TJP2: variants seen among roughly 807,000 people sequenced by gnomAD.
TJP2 encodes tight junction protein 2, also known as Friedreich ataxia region gene X104 (tight junction protein ZO-2).
A neutral mutation model predicts 133.1 loss-of-function variants in TJP2; 91 were observed. The ratio of observed to expected loss-of-function variants is 0.68; its 90% CI spans 0.58 to 0.81. The LOEUF (loss-of-function observed/expected upper bound fraction) is 0.81. Ranked by LOEUF, TJP2 falls within the 40% of genes least tolerant of loss-of-function variation. The pLI, the probability that TJP2 is intolerant of heterozygous loss-of-function variation, is 0.00. For synonymous variants in TJP2, 592 were observed against 583.4 expected, an observed-to-expected ratio of 1.01 and a Z score of -0.21; for missense variants, 1,541 against 1,565.6, an observed-to-expected ratio of 0.98 and a Z score of 0.26.
chr9:69,240,366 TGTG>T (rs769961076), intron 17 of TJP2, among the ~76,000 whole-genome samples: 6 of 152,176 alleles, frequency 3.9e-5, no homozygotes, highest in Non-Finnish European at 7.4e-5. Flanking sequence ...AGATCCATGA[TGTG>T]GTAATAATTA....
intron 17 of TJP2, 67 bp from the exon 18 acceptor site, chr9:69,246,623 C>A: frequency 1.5e-6 from 2 of 1,348,828 alleles, no homozygotes; most frequent in Non-Finnish European, 2.1e-6. Context: ...TAAATTATGT[C>A]AAATAGCATC....
chr9:69,182,206 G>C (rs949450762), intron 1 of TJP2, among the ~76,000 whole-genome samples: 1 of 152,196 alleles, frequency 6.6e-6, no homozygotes, highest in African/African-American at 2.4e-5. Context: ...GTTTTTCAAC[G>C]TCACCTCAGG....
intron 7 of TJP2, 41 bp from the exon 8 acceptor site, chr9:69,227,724 A>G: frequency 1.5e-6 from 2 of 1,356,690 alleles, no homozygotes; most frequent in Non-Finnish European, 2.1e-6. Flanking sequence ...AGAATATTTT[A>G]AATATTTTAT....
Position 69,246,680 on chromosome 9 carries a change from AT to A in TJP2, c.2567-7del. On this transcript the variant is annotated splice_polypyrimidine_tract_variant and intron_variant, in intron 17 of 22. Coordinates refer to ENST00000377245, the MANE Select transcript of TJP2 (RefSeq NM_004817.4). ...AATTAATGCAGACCTTTTTGTTTAT[AT>A]TTCTATAGCTACAATCAACCTAAAT... 1 of 1,612,336 alleles carries A rather than the reference AT, an allele frequency of 6.2e-7. No individual in the cohort carries two copies. The highest frequency in any genetic ancestry group is 1.1e-5 in the South Asian group (1 of 91,056).
In TJP2 at chr9:69,254,309, C is replaced by T; in HGVS notation, c.3508C>T (p.Leu1170=). The change falls in exon 23 of 23, where the codon CTG becomes TTG. Residue 1170 remains leucine, a synonymous_variant. Coordinates refer to ENST00000377245, the MANE Select transcript of TJP2 (RefSeq NM_004817.4). ...DAEEEEYRQQ[L]SEHSKRGYYG... ...CGAGGAGGAGGAGTACCGCCAGCAGCTGTCAGAACACTCCAAGCGCGGTTA... is the reference window on the plus strand; with the variant it reads ...CGAGGAGGAGGAGTACCGCCAGCAGTTGTCAGAACACTCCAAGCGCGGTTA... 6.2e-7 allele frequency: 1 copy of T among 1,614,268 alleles called. No homozygotes were observed.
intron 5 of TJP2, among the ~76,000 whole-genome samples, chr9:69,223,636 A>T (rs1829093192): frequency 6.9e-6 from 1 of 143,970 alleles, no homozygotes; most frequent in African/African-American, 2.8e-5. Context: ...AGGATTGAGG[A>T]ATTGTTGAAA....
At chr9:69,251,839 G>A (rs1831357831) in intron 21 of TJP2, among the ~76,000 whole-genome samples, 2 of 152,230 alleles carry the variant, frequency 1.3e-5, no homozygotes, top group Non-Finnish European at 2.9e-5. Flanking sequence ...TTTAACTAAA[G>A]GTCTGTGGAG....
upstream of TJP2, chr9:69,174,272 G>A: frequency 1.3e-6 from 2 of 1,532,682 alleles, no homozygotes; most frequent in South Asian, 2.4e-5. Context: ...GTTGGGCTGC[G>A]GGTCAGAGCA....
intron 6 of TJP2, 139 bp from the exon 7 acceptor site, chr9:69,225,883 A>AT (rs1241031086): frequency 1.1e-6 from 1 of 888,012 alleles, no homozygotes; most frequent in Non-Finnish European, 1.7e-6. Flanking sequence ...ACGACAATTC[A>AT]TTTTTATTGA....
intron 2 of TJP2, among the ~76,000 whole-genome samples, chr9:69,158,567 C>A (rs897116548): frequency 1.3e-5 from 2 of 151,996 alleles, no homozygotes; most frequent in Non-Finnish European, 2.9e-5. Flanking sequence ...TTCCCTTAAA[C>A]GTTGCTGTTT....
intron 1 of TJP2, among the ~76,000 whole-genome samples, chr9:69,201,517 C>T (rs1440532265): frequency 6.6e-6 from 1 of 152,128 alleles, no homozygotes; most frequent in Non-Finnish European, 1.5e-5. Context: ...CTGCCTTGAT[C>T]AGATGCTGGC....
chr9:69,156,698 A>AT (rs1471190611), intron 2 of TJP2, among the ~76,000 whole-genome samples: 1 of 151,498 alleles, frequency 6.6e-6, no homozygotes, highest in African/African-American at 2.4e-5. Flanking sequence ...CGCCCGGCTA[A>AT]TTTTTTGTGT....
At chr9:69,129,892 G>A (rs1283971574) in intron 1 of TJP2, among the ~76,000 whole-genome samples, 3 of 151,880 alleles carry the variant, frequency 2.0e-5, no homozygotes, top group African/African-American at 7.3e-5. Flanking sequence ...TGGCGTGCCT[G>A]TAATCCCAGC....
intron 1 of TJP2, among the ~76,000 whole-genome samples, chr9:69,201,900 C>G (rs1041826938): frequency 6.6e-6 from 1 of 152,090 alleles, no homozygotes; most frequent in Non-Finnish European, 1.5e-5. Flanking sequence ...TATGATGTGT[C>G]TAATGTAGTC....
At position 69,251,104 on chromosome 9, in the gene TJP2, G is replaced by T; in HGVS notation, c.3061G>T (p.Ala1021Ser). The T allele has an allele frequency of 6.2e-7, 1 of 1,614,174 alleles. No homozygotes were observed. The change falls in exon 21 of 23, where the codon GCC (alanine) becomes TCC (serine). Residue 1021 changes from alanine to serine, a missense_variant. Physicochemically the swap from Ala to Ser is moderately conservative, Grantham distance 99. Transcript: ENST00000377245. ...KSYEYKSNPS[A>S]VAGNETPGAS... ...CTATGAATATAAGTCAAACCCCTCT[G>T]CCGTTGCTGGTAATGAAACTCCTGG...
chr9:69,221,249 G>GGACCGT lies in TJP2; in HGVS notation c.711_716dup (p.Asp238_Arg239dup), dbSNP rs1374482350. 6.2e-6 allele frequency: 10 copies of GGACCGT among 1,608,078 alleles called. No individual in the cohort carries two copies. In the Admixed American group the frequency reaches 6.7e-5, roughly 11 times the overall value. On this transcript the variant is annotated inframe_insertion, in exon 5 of 23. Coordinates refer to ENST00000377245, the MANE Select transcript of TJP2 (RefSeq NM_004817.4). ...ACGACTTTGGGCCATCCCGGGACCG[G>GGACCGT]GACCGTGACCGCAGCCGCGGCCGGA... is the stretch of plus-strand genomic sequence containing the variant.
chr9:69,248,540 A>G, intron 19 of TJP2: 2 of 1,272,776 alleles, frequency 1.6e-6, no homozygotes, highest in Non-Finnish European at 2.0e-6. Context: ...CCCATGCAGT[A>G]TTGTTGTATG....
chr9:69,150,115 ACTCCAGC>A (rs964943253), intron 1 of TJP2, among the ~76,000 whole-genome samples: 1 of 151,924 alleles, frequency 6.6e-6, no homozygotes, highest in Non-Finnish European at 1.5e-5. Context: ...GTGCCACTGC[ACTCCAGC>A]CTGGGCGACA....
At chr9:69,210,570 A>C (rs1827818358) in intron 1 of TJP2, among the ~76,000 whole-genome samples, 1 of 151,930 alleles carries the variant, frequency 6.6e-6, no homozygotes, top group South Asian at 2.1e-4. Context: ...TTAGATAATA[A>C]TCTTTTGGAA....
Sources: allele counts gnomAD v4.1 joint callset (sites outside exome capture counted in the v4.1 genomes callset), GRCh38; gene constraint gnomAD v4.1.1; transcripts MANE v1.5; gene names NCBI Gene and HGNC (gene_info 2026-07-23, HGNC 2026-07-21).